Variants in NRXN1 observed in about 807,000 individuals in gnomAD.
NRXN1 encodes neurexin 1.
Under a neutral mutation model 150.9 loss-of-function variants are expected in NRXN1, and 39 were observed. The observed-to-expected ratio is 0.26, with a 90% CI of 0.20 to 0.34. The LOEUF (loss-of-function observed/expected upper bound fraction) is 0.34, where lower values mean the gene tolerates loss of function less well. Ranked by LOEUF, NRXN1 falls within the 10% of genes least tolerant of loss-of-function variation. The probability of loss-of-function intolerance (pLI) is 1.00; values close to 1 mark genes in which losing one functional copy is unlikely to be tolerated. For synonymous variants in NRXN1, 924 were observed against 757.0 expected (o/e 1.22, Z -3.62); for missense variants, 1,815 against 1,949.9 (o/e 0.93, Z 1.30).
At chr2:50,472,263 G>T in intron 16 of NRXN1, 35 bp downstream of exon 16, 1 of 1,485,120 alleles carries the variant, frequency 6.7e-7, no homozygotes, top group Non-Finnish European at 9.0e-7. Flanking sequence ...GGTGGAATTA[G>T]AATTATTTAG....
chr2:50,128,819 T>C (rs950508627), intron 18 of NRXN1, among the ~76,000 whole-genome samples: 1 of 151,366 alleles, frequency 6.6e-6, no homozygotes, highest in South Asian at 2.1e-4. Context: ...CACATCTCTA[T>C]TAAAACTACA....
Position 50,491,470 on chromosome 2 carries a change from C to G in NRXN1, c.3070+4435G>C, listed in dbSNP as rs182123248. On this transcript the variant is annotated intron_variant, in intron 15 of 22. Coordinates refer to ENST00000401669, the MANE Select transcript of NRXN1 (RefSeq NM_001330078.2). Reference sequence around the variant, plus strand: ...TCGTAGCAGGATGAACAATAGCAGGCAGTTGCCTTCAGGGTGAGATTTAAG... The same window carrying G: ...TCGTAGCAGGATGAACAATAGCAGGGAGTTGCCTTCAGGGTGAGATTTAAG... Among the ~76,000 whole-genome samples the G allele has an allele frequency of 3.3e-5, 5 of 152,214 alleles. No homozygotes were observed. In the East Asian group the frequency reaches 9.7e-4, roughly 29 times the overall value.
intron 18 of NRXN1, among the ~76,000 whole-genome samples, chr2:50,192,358 C>T (rs563966787): frequency 6.6e-6 from 1 of 152,052 alleles, no homozygotes; most frequent in African/African-American, 2.4e-5. Context: ...AATTACAATA[C>T]TTGTCTTCCA....
chr2:50,303,681 A>T (rs540788787), intron 17 of NRXN1, among the ~76,000 whole-genome samples: 6 of 152,206 alleles, frequency 3.9e-5, no homozygotes, highest in Non-Finnish European at 8.8e-5. Flanking sequence ...AAAAAATTAC[A>T]TCAAGACAAA....
intron 17 of NRXN1, among the ~76,000 whole-genome samples, chr2:50,387,788 C>A (rs1208927033): frequency 6.6e-6 from 1 of 152,096 alleles, no homozygotes; most frequent in Non-Finnish European, 1.5e-5. Context: ...TTTAAACACT[C>A]GATTACTTTT....
chr2:50,643,880 G>A (rs994253885), intron 5 of NRXN1, among the ~76,000 whole-genome samples: 2 of 151,678 alleles, frequency 1.3e-5, no homozygotes, highest in Non-Finnish European at 2.9e-5. Context: ...TAAACATTTA[G>A]CTTGCATATC....
At position 49,922,032 on chromosome 2, in the gene NRXN1, T is replaced by A; in HGVS notation, c.4436A>T (p.Asn1479Ile). 6.2e-7 allele frequency: 1 copy of A among 1,614,166 alleles called. No individual in the cohort carries two copies. Among genetic ancestry groups the A allele is most frequent in the Non-Finnish European group, 8.5e-7 (1 of 1,180,020 alleles). ...RNYISNSAQS[N>I]GAVVKEKQPS... ...TTGTTTCTCCTTTACAACAGCCCCA[T>A]TGGACTGTGCTGAGTTACTGATGTA... is the stretch of plus-strand genomic sequence containing the variant. The change falls in exon 23 of 23, where the codon AAT (asparagine) becomes ATT (isoleucine). Residue 1479 changes from asparagine to isoleucine, a missense_variant. Asn to Ile is a moderately radical substitution (Grantham distance 149). Transcript: ENST00000401669.
chr2:50,705,049 AACACAC>A (rs10679163), intron 5 of NRXN1, among the ~76,000 whole-genome samples: 16 of 145,832 alleles, frequency 1.1e-4, no homozygotes, highest in Admixed American at 2.1e-4. Flanking sequence ...CAGAAACACA[AACACAC>A]ACACACACAC....
intron 21 of NRXN1, among the ~76,000 whole-genome samples, chr2:49,980,227 A>G (rs1169018198): frequency 2.0e-5 from 3 of 152,204 alleles, no homozygotes; most frequent in African/African-American, 7.2e-5. Flanking sequence ...AGAACCAACA[A>G]GGCACACGTT....
At chr2:50,240,073 T>C (rs1340727111) in intron 17 of NRXN1, among the ~76,000 whole-genome samples, 3 of 151,532 alleles carry the variant, frequency 2.0e-5, no homozygotes, top group African/African-American at 4.8e-5. Context: ...ACAAATACCA[T>C]TACTCAAGAT....
chr2:50,839,434 T>C (rs1672560380), intron 5 of NRXN1, among the ~76,000 whole-genome samples: 1 of 152,166 alleles, frequency 6.6e-6, no homozygotes, highest in South Asian at 2.1e-4. Context: ...TTTGAATTAT[T>C]GTAACCTCCC....
intron 17 of NRXN1, among the ~76,000 whole-genome samples, chr2:50,293,141 A>G (rs2073141493): frequency 6.6e-6 from 1 of 152,046 alleles, no homozygotes; most frequent in African/African-American, 2.4e-5. Flanking sequence ...ATTTTATCTG[A>G]TTCTCCACTG....
chr2:50,755,294 CTTCAT>C (rs1701040455), intron 5 of NRXN1, among the ~76,000 whole-genome samples: 1 of 151,810 alleles, frequency 6.6e-6, no homozygotes, highest in South Asian at 2.1e-4. Context: ...CTCTCAGAGT[CTTCAT>C]TTCCTTATTT....
At chr2:50,582,478 C>CA (rs56941425) in intron 8 of NRXN1, among the ~76,000 whole-genome samples, 7,966 of 44,442 alleles carry the variant, frequency 0.18, 1,535 homozygotes, top group African/African-American at 0.24. Context: ...GACTCGTCTC[C>CA]AAAAAAAAAA....
chr2:50,292,806 T>C (rs954384119), intron 17 of NRXN1, among the ~76,000 whole-genome samples: 1 of 152,210 alleles, frequency 6.6e-6, no homozygotes, highest in African/African-American at 2.4e-5. Context: ...TTAAATTATC[T>C]TTTAAACAAT....
chr2:50,990,290 G>C (rs865963886), intron 2 of NRXN1, among the ~76,000 whole-genome samples: 1 of 151,684 alleles, frequency 6.6e-6, no homozygotes, highest in African/African-American at 2.4e-5. Flanking sequence ...TTGAAGCCCA[G>C]TGCTAAAAAA....
At chr2:50,891,279 A>T (rs1379652083) in intron 5 of NRXN1, among the ~76,000 whole-genome samples, 1 of 152,060 alleles carries the variant, frequency 6.6e-6, no homozygotes, top group Middle Eastern at 3.2e-3. Context: ...TGCAGAAGAA[A>T]TAGAAAAGTG....
rs539689780 is a variant in NRXN1, at chr2:50,549,557, A to C, written c.1759+3030T>G. 9.9e-5 allele frequency among the ~76,000 whole-genome samples: 15 copies of C among 152,238 alleles called. No individual in the cohort carries two copies. In the East Asian group the frequency reaches 2.9e-3, roughly 29 times the overall value. On this transcript the variant is annotated intron_variant, in intron 9 of 22. Coordinates refer to ENST00000401669, the MANE Select transcript of NRXN1 (RefSeq NM_001330078.2). Reference sequence around the variant, plus strand: ...CAAAGAAAAATCTCATGCTTCGTTTATTTTCTTTCTTAGATGCAAACAACA... The same window carrying C: ...CAAAGAAAAATCTCATGCTTCGTTTCTTTTCTTTCTTAGATGCAAACAACA...
At chr2:50,678,287 T>C (rs1689833009) in intron 5 of NRXN1, among the ~76,000 whole-genome samples, 1 of 152,168 alleles carries the variant, frequency 6.6e-6, no homozygotes, top group African/African-American at 2.4e-5. Flanking sequence ...CAAGGCTGTA[T>C]TACAATTTAA....
Sources: gnomAD v4.1 joint callset for allele counts (sites outside exome capture counted in the v4.1 genomes callset) on GRCh38, gnomAD v4.1.1 for gene constraint, MANE v1.5 for transcripts, NCBI Gene and HGNC (gene_info 2026-07-23, HGNC 2026-07-21) for gene names.